Variants in NKX2-8 observed in about 807,000 individuals in gnomAD.
NKX2-8 encodes homeobox protein Nkx-2.8.
A neutral mutation model predicts 6.4 loss-of-function variants in NKX2-8; 8 were observed. The ratio of observed to expected loss-of-function variants is 1.24; its 90% CI spans 0.73 to 2.24. The LOEUF (loss-of-function observed/expected upper bound fraction) is 2.24. NKX2-8 is among the 30% of genes most tolerant of loss of function. NKX2-8 has a pLI of 0.00. For synonymous variants in NKX2-8, 216 were observed against 171.5 expected (o/e 1.26, Z -2.03); for missense variants, 406 against 351.1 (o/e 1.16, Z -1.25).
At position 36,580,693 on chromosome 14, in the gene NKX2-8, G is replaced by A; in HGVS notation, c.*209C>T. On this transcript the variant is annotated 3_prime_UTR_variant, in exon 2 of 2. Transcript: ENST00000258829. ...AAATCTAACTCTGGGGCTGGCGGTG[G>A]AGGGAAGGTGAGGGAGGGGGCTCTG... The A allele has an allele frequency of 2.5e-6, 1 of 397,610 alleles. No individual in the cohort carries two copies. The highest frequency in any genetic ancestry group is 3.6e-5 in the East Asian group (1 of 27,946). 24.6% of individuals were successfully genotyped at this position (397,610 alleles called of 1,614,324 possible).
Position 36,582,528 on chromosome 14 carries a change from C to T in NKX2-8, c.-139G>A. ...TATTAGCGCATTTACAGCGGAATCT[C>T]TGTTTATATAAACAGCTCTTCCCAC... On this transcript the variant is annotated 5_prime_UTR_variant, in exon 1 of 2. Coordinates refer to ENST00000258829, the MANE Select transcript of NKX2-8 (RefSeq NM_014360.4). 4.6e-6 allele frequency: 4 copies of T among 867,024 alleles called. No homozygotes were observed. Among genetic ancestry groups the T allele is most frequent in the Non-Finnish European group, 5.1e-6 (3 of 590,450 alleles). The allele number at this position is 867,024 out of a possible 1,614,324, so 53.7% of individuals were successfully genotyped here. A position where few individuals can be genotyped will look rare whatever the true frequency, so the allele number is the denominator to read the frequency against.
In NKX2-8 at chr14:36,580,989, G is replaced by A. The variant is rs1277343923; in HGVS notation, c.633C>T (p.Tyr211=). 1.5e-6 allele frequency: 2 copies of A among 1,353,512 alleles called. No individual in the cohort carries two copies. Among genetic ancestry groups the A allele is most frequent in the African/African-American group, 1.5e-5 (1 of 66,528 alleles). 83.8% of individuals were successfully genotyped at this position (1,353,512 alleles called of 1,614,324 possible). ...PPAAACPLPG[Y]PAFGPGSALG... is the part of the protein sequence containing the mutation. ...GCGCCGAGCCGGGACCGAAGGCAGG[G>A]TAGCCCGGCAGAGGGCAGGCGGCGG... Residue 211 remains tyrosine, a synonymous_variant, in exon 2 of 2, where the codon TAC becomes TAT. Coordinates refer to ENST00000258829, the MANE Select transcript of NKX2-8 (RefSeq NM_014360.4).
At position 36,580,792 on chromosome 14, in the gene NKX2-8, G is replaced by C; in HGVS notation, c.*110C>G. ...AGGGACCCTGGCGCCCAAGGAGATG[G>C]GGCTGCAGGGAGGCGGACGGAGAGC... On this transcript the variant is annotated 3_prime_UTR_variant, in exon 2 of 2. Transcript: ENST00000258829. 2 of 801,814 alleles carry C rather than the reference G, an allele frequency of 2.5e-6. No individual in the cohort carries two copies. The highest frequency in any genetic ancestry group is 3.4e-6 in the Non-Finnish European group (2 of 593,344). 49.7% of individuals were successfully genotyped at this position (801,814 alleles called of 1,614,324 possible). A position where few individuals can be genotyped will look rare whatever the true frequency, so the allele number is the denominator to read the frequency against.
rs1175435459 is a variant in NKX2-8, at chr14:36,581,472, C to G, written c.158-8G>C. The G allele has an allele frequency of 6.5e-7, 1 of 1,536,710 alleles. No individual in the cohort carries two copies. The highest frequency in any genetic ancestry group is 1.4e-5 in the African/African-American group (1 of 72,648). On this transcript the variant is annotated splice_polypyrimidine_tract_variant and splice_region_variant and intron_variant, in intron 1 of 1. Transcript: ENST00000258829. The surrounding 1 kb of genome is among the most constrained non-coding windows in gnomAD (Gnocchi z 5.6). ...GGCTGCTCTCGTCCGAGGCTAGGGA[C>G]AGCAAAGGAGACACGGGTGGGTGAG... is the stretch of plus-strand genomic sequence containing the variant.
At position 36,581,093 on chromosome 14, in the gene NKX2-8, C is replaced by A. The variant is rs1347361357; in HGVS notation, c.529G>T (p.Asp177Tyr). 20 of 1,418,046 alleles carry A rather than the reference C, an allele frequency of 1.4e-5. No individual in the cohort carries two copies. The highest frequency in any genetic ancestry group is 3.1e-5 in the South Asian group (2 of 64,244). The allele number at this position is 1,418,046 out of a possible 1,614,324, so 87.8% of individuals were successfully genotyped here. ...CCGCCGCCGCCGCACGGCTGCCCGT[C>A]GCGAACAAGCACCGGCACCACCACG... ...RRVVVPVLVR[D>Y]GQPCGGGGGG... The change falls in exon 2 of 2, where the codon GAC becomes TAC. Residue 177 changes from aspartate to tyrosine, a missense_variant. Coordinates refer to ENST00000258829, the MANE Select transcript of NKX2-8 (RefSeq NM_014360.4). This position sits in a 1 kb window ranked among gnomAD's most constrained non-coding sequence, Gnocchi z 5.6.
intron 1 of NKX2-8, 43 bp downstream of exon 1, chr14:36,582,190 C>T (rs1879264340): frequency 7.7e-6 from 12 of 1,563,346 alleles, no homozygotes; most frequent in Non-Finnish European, 9.6e-6. Context: ...CTGCCCCACG[C>T]CTCCTACCTC....
rs753449608 is a variant in NKX2-8 at position 36,581,064 on chromosome 14, A to ACCGCCG, written c.552_557dup (p.Gly186_Gly187dup). Reference sequence around the variant, plus strand: ...GGGCCGCGGCGGTTCCCACCTCGCCACCGCCGCCGCCGCCGCACGGCTGCC... The same window carrying ACCGCCG: ...GGGCCGCGGCGGTTCCCACCTCGCCACCGCCGCCGCCGCCGCCGCCGCACGGCTGCC... On this transcript the variant is annotated inframe_insertion, in exon 2 of 2. Transcript: ENST00000258829. This position sits in a 1 kb window ranked among gnomAD's most constrained non-coding sequence, Gnocchi z 5.6. 6 of 1,378,882 alleles carry ACCGCCG rather than the reference A, an allele frequency of 4.4e-6. No individual in the cohort carries two copies. Among genetic ancestry groups the ACCGCCG allele is most frequent in the Admixed American group, 3.8e-5 (1 of 26,512 alleles). 85.4% of individuals were successfully genotyped at this position (1,378,882 alleles called of 1,614,324 possible). A position where few individuals can be genotyped will look rare whatever the true frequency, so the allele number is the denominator to read the frequency against.
Position 36,581,936 on chromosome 14 carries a change from G to A in NKX2-8, c.157+297C>T, listed in dbSNP as rs1879256642. Reference sequence around the variant, plus strand: ...ATGGAGAGGGGGCGGGGGGTGGGGTGGGGGCGGCAGGTGGCGGCGCGTTTT... The same window carrying A: ...ATGGAGAGGGGGCGGGGGGTGGGGTAGGGGCGGCAGGTGGCGGCGCGTTTT... On this transcript the variant is annotated intron_variant, in intron 1 of 1. Coordinates refer to ENST00000258829, the MANE Select transcript of NKX2-8 (RefSeq NM_014360.4). The surrounding 1 kb of genome is among the most constrained non-coding windows in gnomAD (Gnocchi z 5.6). Among the ~76,000 whole-genome samples the A allele has an allele frequency of 6.9e-6, 1 of 145,344 alleles. No homozygotes were observed. Among genetic ancestry groups the A allele is most frequent in the Non-Finnish European group, 1.5e-5 (1 of 65,720 alleles).
In NKX2-8 at chr14:36,580,678, C is replaced by A. The variant is rs1400122937; in HGVS notation, c.*224G>T. 2.0e-5 allele frequency: 8 copies of A among 396,422 alleles called. No individual in the cohort carries two copies. The highest frequency in any genetic ancestry group is 1.2e-4 in the African/African-American group (6 of 48,550). The allele number at this position is 396,422 out of a possible 1,614,324, so 24.6% of individuals were successfully genotyped here. On this transcript the variant is annotated 3_prime_UTR_variant, in exon 2 of 2. Transcript: ENST00000258829. ...TAAGGCCCAAGCATAAAATCTAACT[C>A]TGGGGCTGGCGGTGGAGGGAAGGTG...
In NKX2-8 at chr14:36,580,480, C is replaced by G. The variant is rs976747830; in HGVS notation, c.*422G>C. 2 of 155,202 alleles carry G rather than the reference C, an allele frequency of 1.3e-5. No individual in the cohort carries two copies. Among genetic ancestry groups the G allele is most frequent in the Non-Finnish European group, 2.8e-5 (2 of 70,264 alleles). 9.6% of individuals were successfully genotyped at this position (155,202 alleles called of 1,614,324 possible). Reference sequence around the variant, plus strand: ...GGGCCCCACTTAGCCAGTCAAGGGGCGAGCCAGCGATGCGAACACCGGTCT... The same window carrying G: ...GGGCCCCACTTAGCCAGTCAAGGGGGGAGCCAGCGATGCGAACACCGGTCT... On this transcript the variant is annotated 3_prime_UTR_variant, in exon 2 of 2. Coordinates refer to ENST00000258829, the MANE Select transcript of NKX2-8 (RefSeq NM_014360.4).
rs987212356 is a variant in NKX2-8, at chr14:36,581,609, A to G, written c.158-145T>C. ...CGGGATGAGGCCATTTCCTGAGTCC[A>G]CATCTGGACATCCACCTCTCCGAAT... On this transcript the variant is annotated intron_variant, in intron 1 of 1. Coordinates refer to ENST00000258829, the MANE Select transcript of NKX2-8 (RefSeq NM_014360.4). The surrounding 1 kb of genome is among the most constrained non-coding windows in gnomAD (Gnocchi z 5.6). 5 of 659,616 alleles carry G rather than the reference A, an allele frequency of 7.6e-6. No homozygotes were observed. Among genetic ancestry groups the G allele is most frequent in the Non-Finnish European group, 1.3e-5 (5 of 390,582 alleles). 40.9% of individuals were successfully genotyped at this position (659,616 alleles called of 1,614,324 possible).
rs1879209999 is a variant in NKX2-8 at position 36,581,053 on chromosome 14, C to T, written c.569G>A (p.Gly190Glu). The T allele has an allele frequency of 1.5e-6, 2 of 1,376,264 alleles. No homozygotes were observed. The highest frequency in any genetic ancestry group is 1.9e-6 in the Non-Finnish European group (2 of 1,077,166). 85.3% of individuals were successfully genotyped at this position (1,376,264 alleles called of 1,614,324 possible). The change falls in exon 2 of 2, where the codon GGA (glycine) becomes GAA (glutamate). Residue 190 changes from glycine (G) to glutamate (E), a missense_variant. Physicochemically the swap from Gly to Glu is moderately conservative, Grantham distance 98. Transcript: ENST00000258829. The surrounding 1 kb of genome is among the most constrained non-coding windows in gnomAD (Gnocchi z 5.6). ...PCGGGGGGEVGTAAAQEKCGA... is the reference protein window; with the variant it reads ...PCGGGGGGEVETAAAQEKCGA... ...GCACTTCTCCTGGGCCGCGGCGGTT[C>T]CCACCTCGCCACCGCCGCCGCCGCC...
rs1208428760 is a variant in NKX2-8, at chr14:36,581,298, G to A, written c.324C>T (p.Tyr108=). 2 of 1,596,594 alleles carry A rather than the reference G, an allele frequency of 1.3e-6. No individual in the cohort carries two copies. Among genetic ancestry groups the A allele is most frequent in the Admixed American group, 1.7e-5 (1 of 57,260 alleles). ...GCTGCTCGCGCTCGGGCGCAGACAG[G>A]TACCGCTGCTGCCGGAAGCGCCGCT... The part of the protein sequence containing the change: ...ELERRFRQQR[Y]LSAPEREQLA... The change falls in exon 2 of 2, where the codon TAC becomes TAT. Residue 108 remains tyrosine (Y), a synonymous_variant. Coordinates refer to ENST00000258829, the MANE Select transcript of NKX2-8 (RefSeq NM_014360.4). The surrounding 1 kb of genome is among the most constrained non-coding windows in gnomAD (Gnocchi z 5.6).
chr14:36,582,109 A>T, intron 1 of NKX2-8, 124 bp downstream of exon 1: 1 of 1,116,200 alleles, frequency 9.0e-7, no homozygotes, highest in Non-Finnish European at 1.2e-6. Context: ...CGTTTCCAAG[A>T]CTGAGGAAAT....
chr14:36,582,477 C>G lies in NKX2-8; in HGVS notation c.-88G>C, dbSNP rs1566632732. On this transcript the variant is annotated 5_prime_UTR_variant, in exon 1 of 2. Transcript: ENST00000258829. Reference sequence around the variant, plus strand: ...CGCTCCTACGGATGGGCGTGGGAGGCGCTCGCCATGCGCTGGCAGCCGGGA... The same window carrying G: ...CGCTCCTACGGATGGGCGTGGGAGGGGCTCGCCATGCGCTGGCAGCCGGGA... 2 of 1,286,012 alleles carry G rather than the reference C, an allele frequency of 1.6e-6. No individual in the cohort carries two copies. The highest frequency in any genetic ancestry group is 2.1e-6 in the Non-Finnish European group (2 of 957,588). 79.7% of individuals were successfully genotyped at this position (1,286,012 alleles called of 1,614,324 possible).
chr14:36,581,191 G>T lies in NKX2-8; in HGVS notation c.431C>A (p.Ala144Asp), dbSNP rs1158413746. 6.2e-7 allele frequency: 1 copy of T among 1,605,904 alleles called. No homozygotes were observed. The highest frequency in any genetic ancestry group is 2.2e-5 in the East Asian group (1 of 44,622). ...NHRYKLKRAR[A>D]PGAAESPDLA... Reference sequence around the variant, plus strand: ...GTCAGGCGACTCCGCCGCCCCTGGAGCGCGAGCGCGCTTCAGCTTGTAGCG... The same window carrying T: ...GTCAGGCGACTCCGCCGCCCCTGGATCGCGAGCGCGCTTCAGCTTGTAGCG... Residue 144 changes from alanine (A) to aspartate (D), a missense_variant, in exon 2 of 2, where the codon GCT (alanine) becomes GAT (aspartate). By Grantham distance (126) the Ala-to-Asp change is moderately radical (BLOSUM62 -2). Transcript: ENST00000258829. The surrounding 1 kb of genome is among the most constrained non-coding windows in gnomAD (Gnocchi z 5.6).
rs1879197971 is a variant in NKX2-8, at chr14:36,580,825, G to A, written c.*77C>T. 1.7e-5 allele frequency: 18 copies of A among 1,065,804 alleles called. No individual in the cohort carries two copies. Among genetic ancestry groups the A allele is most frequent in the Non-Finnish European group, 2.0e-5 (17 of 833,032 alleles). 66.0% of individuals were successfully genotyped at this position (1,065,804 alleles called of 1,614,324 possible). A position where few individuals can be genotyped will look rare whatever the true frequency, so the allele number is the denominator to read the frequency against. ...GGGAGGCGGACGGAGAGCGTTCCAG[G>A]CGTTCGGCTCCGGCCCTGCTCCAAT... On this transcript the variant is annotated 3_prime_UTR_variant, in exon 2 of 2. Coordinates refer to ENST00000258829, the MANE Select transcript of NKX2-8 (RefSeq NM_014360.4).
At position 36,582,393 on chromosome 14, in the gene NKX2-8, C is replaced by G. The variant is rs368317901; in HGVS notation, c.-4G>C. On this transcript the variant is annotated 5_prime_UTR_variant, in exon 1 of 2. Coordinates refer to ENST00000258829, the MANE Select transcript of NKX2-8 (RefSeq NM_014360.4). ...TCAGGCGTCCAGAGGTGGCCATGGC[C>G]GAGGAGGGGAAGGAGGCGGGGGCAG... is the stretch of plus-strand genomic sequence containing the variant. The G allele has an allele frequency of 1.2e-4, 172 of 1,481,770 alleles. No individual in the cohort carries two copies. The African/African-American group carries it at 1.9e-3, about 16-fold the overall frequency. The allele number at this position is 1,481,770 out of a possible 1,614,324, so 91.8% of individuals were successfully genotyped here.
Position 36,581,393 on chromosome 14 carries a change from G to C in NKX2-8, c.229C>G (p.Pro77Ala). 1 of 1,596,744 alleles carries C rather than the reference G, an allele frequency of 6.3e-7. No individual in the cohort carries two copies. ...SQRPSARPAS[P>A]GSDAEKRKKR... ...TTCCTTTTCTCGGCGTCCGAGCCCGGAGACGCGGGCCTAGCGGACGGCCGC... is the reference window on the plus strand; with the variant it reads ...TTCCTTTTCTCGGCGTCCGAGCCCGCAGACGCGGGCCTAGCGGACGGCCGC... Residue 77 changes from proline (P) to alanine (A), a missense_variant, in exon 2 of 2, where the codon CCG becomes GCG. By Grantham distance (27) the Pro-to-Ala change is conservative (BLOSUM62 -1). Transcript: ENST00000258829. This position sits in a 1 kb window ranked among gnomAD's most constrained non-coding sequence, Gnocchi z 5.6.
Sources: allele counts gnomAD v4.1 joint callset (sites outside exome capture counted in the v4.1 genomes callset), GRCh38; gene constraint gnomAD v4.1.1; non-coding constraint Gnocchi (gnomAD v3.1); transcripts MANE v1.5; gene names NCBI Gene and HGNC (gene_info 2026-07-23, HGNC 2026-07-21).